SAMD5: variants seen among roughly 807,000 people sequenced by gnomAD.
SAMD5 encodes sterile alpha motif domain containing 5.
A neutral mutation model predicts 11.3 loss-of-function variants in SAMD5; 13 were observed. The observed-to-expected ratio is 1.15, with a 90% CI of 0.75 to 1.83. The LOEUF (loss-of-function observed/expected upper bound fraction) is 1.83. Among genes scored for constraint, SAMD5 ranks in the 40% most tolerant of loss-of-function variants. The pLI is 0.00. For synonymous variants in SAMD5, 129 were observed against 111.3 expected, an observed-to-expected ratio of 1.16 and a Z score of -1.00; for missense variants, 255 against 239.1, an observed-to-expected ratio of 1.07 and a Z score of -0.44.
intron 1 of SAMD5, among the ~76,000 whole-genome samples, chr6:147,603,614 C>A (rs1789655175): frequency 6.6e-6 from 1 of 152,090 alleles, no homozygotes; most frequent in Admixed American, 6.6e-5. Context: ...TTTTGGGAAC[C>A]AGTGAGGGCA....
At chr6:147,869,526 G>A in the SAMD5 span, among the ~76,000 whole-genome samples, 1 of 152,140 alleles carries the variant, frequency 6.6e-6, no homozygotes, top group Non-Finnish European at 1.5e-5. Flanking sequence ...GGGCTTTGTG[G>A]CCAAGTCCCT....
chr6:147,780,987 A>G, the SAMD5 span, among the ~76,000 whole-genome samples: 4 of 152,224 alleles, frequency 2.6e-5, no homozygotes, highest in Non-Finnish European at 5.9e-5. Context: ...AGAAAAAAAT[A>G]CAATTTGAGT....
At chr6:147,729,465 T>TG (rs1791677721) in intron 1 of SAMD5, among the ~76,000 whole-genome samples, 1 of 152,238 alleles carries the variant, frequency 6.6e-6, no homozygotes, top group Non-Finnish European at 1.5e-5. Context: ...CAGGAATTGT[T>TG]ACAGGTGCTG....
At chr6:147,610,051 T>G (rs1475300625) in intron 1 of SAMD5, among the ~76,000 whole-genome samples, 1 of 152,214 alleles carries the variant, frequency 6.6e-6, no homozygotes, top group African/African-American at 2.4e-5. Flanking sequence ...AGATTGCACA[T>G]TATGCTGTGT....
intron 1 of SAMD5, among the ~76,000 whole-genome samples, chr6:147,648,940 A>G (rs12209066): frequency 0.017 from 2,531 of 152,346 alleles, 47 homozygotes; most frequent in Non-Finnish European, 0.025. Flanking sequence ...ATTAAACTTT[A>G]GCCATTTGAA....
At chr6:147,773,744 G>A in the SAMD5 span, among the ~76,000 whole-genome samples, 4 of 152,026 alleles carry the variant, frequency 2.6e-5, no homozygotes, top group African/African-American at 9.7e-5. Context: ...ATCATATGGG[G>A]GAATAGATGT....
the SAMD5 span, among the ~76,000 whole-genome samples, chr6:147,899,100 G>A: frequency 6.7e-6 from 1 of 148,876 alleles, no homozygotes; most frequent in Non-Finnish European, 1.5e-5. Flanking sequence ...GAATCTGGGA[G>A]GTGGTGGTTG....
At chr6:147,948,037 T>C in the SAMD5 span, among the ~76,000 whole-genome samples, 7 of 152,160 alleles carry the variant, frequency 4.6e-5, no homozygotes, top group African/African-American at 7.2e-5. Flanking sequence ...TAATGTTCCA[T>C]TGGTACTCAG....
rs201315050 is a variant in SAMD5, at chr6:147,726,059, A to ATTAAT, written c.163-11258_163-11257insTTAAT. On this transcript the variant is annotated intron_variant, in intron 1 of 1. Coordinates refer to the SAMD5 transcript ENST00000566741. ...AATTACTTCTTTTCCTCTGAATATTAGTATGGCATTATGAGTTAAATTTAC... is the reference window on the plus strand; with the variant it reads ...AATTACTTCTTTTCCTCTGAATATTATTAATGTATGGCATTATGAGTTAAATTTAC... 6.7e-3 allele frequency among the ~76,000 whole-genome samples: 1,024 copies of ATTAAT among 152,354 alleles called. 7 individuals are homozygous for ATTAAT. The highest frequency in any genetic ancestry group is 0.023 in the African/African-American group (977 of 41,582).
At chr6:147,615,842 G>GTT (rs1441926331) in intron 1 of SAMD5, among the ~76,000 whole-genome samples, 1 of 152,174 alleles carries the variant, frequency 6.6e-6, no homozygotes, top group African/African-American at 2.4e-5. Context: ...ATTAACCACA[G>GTT]TTTGAAATAT....
chr6:147,763,545 C>T, the SAMD5 span, among the ~76,000 whole-genome samples: 3 of 151,830 alleles, frequency 2.0e-5, no homozygotes, highest in South Asian at 4.2e-4. Flanking sequence ...TTTCCTGTTC[C>T]GGACTACATT....
Position 147,567,526 on chromosome 6 carries a change from C to T in SAMD5, c.*3070C>T, listed in dbSNP as rs1419131997. The T allele has an allele frequency of 1.1e-6, 1 of 921,978 alleles. No individual in the cohort carries two copies. Among genetic ancestry groups the T allele is most frequent in the Non-Finnish European group, 1.3e-6 (1 of 772,320 alleles). The allele number at this position is 921,978 out of a possible 1,614,324, so 57.1% of individuals were successfully genotyped here. On this transcript the variant is annotated 3_prime_UTR_variant, in exon 2 of 2. Coordinates refer to ENST00000367474, the MANE Select transcript of SAMD5 (RefSeq NM_001030060.3). The stretch of plus-strand genomic sequence containing the variant: ...CTCATTAAAGCTTCTTTTCCCTTGT[C>T]TGTAAAATGGGAAAAATAAATACCT...
intron 1 of SAMD5, among the ~76,000 whole-genome samples, chr6:147,599,998 G>A (rs1480162349): frequency 6.6e-6 from 1 of 152,062 alleles, no homozygotes; most frequent in African/African-American, 2.4e-5. Flanking sequence ...CAGGAGGTGT[G>A]TGTGGGACCA....
At chr6:147,594,435 T>C (rs1328781668) in intron 1 of SAMD5, among the ~76,000 whole-genome samples, 2 of 152,168 alleles carry the variant, frequency 1.3e-5, no homozygotes, top group Non-Finnish European at 2.9e-5. Flanking sequence ...ATAATGTCAT[T>C]GATTTTAATT....
At chr6:147,531,521 C>T (rs966144813) in intron 1 of SAMD5, among the ~76,000 whole-genome samples, 1 of 152,164 alleles carries the variant, frequency 6.6e-6, no homozygotes, top group Admixed American at 6.5e-5. Context: ...TGGTACCTGG[C>T]GGGCACCCAG....
At chr6:147,632,275 T>C (rs571742321) in intron 1 of SAMD5, among the ~76,000 whole-genome samples, 1 of 152,338 alleles carries the variant, frequency 6.6e-6, no homozygotes, top group Non-Finnish European at 1.5e-5. Flanking sequence ...GAATTAATGA[T>C]GGAGGACCCT....
At chr6:147,728,296 T>C (rs974449542) in intron 1 of SAMD5, among the ~76,000 whole-genome samples, 1 of 152,144 alleles carries the variant, frequency 6.6e-6, no homozygotes, top group Non-Finnish European at 1.5e-5. Context: ...TGTATGCGTG[T>C]AATCCCAGCT....
chr6:147,868,384 T>C, the SAMD5 span, among the ~76,000 whole-genome samples: 3 of 152,184 alleles, frequency 2.0e-5, no homozygotes, highest in African/African-American at 7.2e-5. Context: ...CTGGAAACAT[T>C]TATAATACTC....
chr6:147,731,253 A>T (rs1791708721), intron 1 of SAMD5, among the ~76,000 whole-genome samples: 1 of 152,174 alleles, frequency 6.6e-6, no homozygotes, highest in South Asian at 2.1e-4. Flanking sequence ...GTTTAAAGTG[A>T]TGTTTTTATG....
Sources: gnomAD v4.1 joint callset for allele counts (sites outside exome capture counted in the v4.1 genomes callset) on GRCh38, gnomAD v4.1.1 for gene constraint, MANE v1.5 for transcripts, NCBI Gene and HGNC (gene_info 2026-07-23, HGNC 2026-07-21) for gene names.